The following REV3L variants were observed in gnomAD, a reference collection of about 807,000 sequenced individuals.
The protein encoded by REV3L is DNA polymerase zeta catalytic subunit.
Under a neutral mutation model 299.4 loss-of-function variants are expected in REV3L, and 69 were observed. That is an observed-to-expected ratio of 0.23 (90% CI 0.19 to 0.28). The LOEUF (loss-of-function observed/expected upper bound fraction) is 0.28, where lower values mean the gene tolerates loss of function less well. Among genes scored for constraint, REV3L ranks in the 10% least tolerant of loss-of-function variants. The pLI is 1.00. For missense variants in REV3L, 3,128 were observed against 3,693.8 expected, an observed-to-expected ratio of 0.85 and a Z score of 3.97; for synonymous variants, 1,238 against 1,271.4, an observed-to-expected ratio of 0.97 and a Z score of 0.56.
chr6:111,360,089 T>C (rs1778494038), intron 16 of REV3L, among the ~76,000 whole-genome samples: 1 of 152,200 alleles, frequency 6.6e-6, no homozygotes. Context: ...AAAAACTAAA[T>C]GTTTACCTGT....
chr6:111,449,432 T>C (rs1189183222), intron 1 of REV3L, among the ~76,000 whole-genome samples: 1 of 151,994 alleles, frequency 6.6e-6, no homozygotes, highest in Non-Finnish European at 1.5e-5. Flanking sequence ...CTGCAGAGGG[T>C]TCCCTCAAGG....
Position 111,373,060 on chromosome 6 carries a change from C to A in REV3L, c.5295G>T (p.Gln1765His). 6.2e-7 allele frequency: 1 copy of A among 1,614,140 alleles called. No homozygotes were observed. The highest frequency in any genetic ancestry group is 8.5e-7 in the Non-Finnish European group (1 of 1,179,996). ...SNSIMDSFCV[Q>H]QAEDCLSEKS... is the part of the protein sequence containing the mutation. ...TTTCACTTAGACAGTCTTCTGCCTG[C>A]TGAACACAGAAAGAATCCATTATTG... is the stretch of plus-strand genomic sequence containing the variant. The change falls in exon 13 of 32, where the codon CAG becomes CAT. Residue 1765 changes from glutamine to histidine, a missense_variant. Transcript: ENST00000368802.
intron 4 of REV3L, among the ~76,000 whole-genome samples, chr6:111,402,459 G>A (rs1783187380): frequency 1.3e-5 from 2 of 152,270 alleles, no homozygotes; most frequent in African/African-American, 4.8e-5. Context: ...ATTAGTAAAT[G>A]CCCTCAGGTC....
intron 18 of REV3L, among the ~76,000 whole-genome samples, chr6:111,353,163 C>T (rs937941954): frequency 6.6e-6 from 1 of 152,172 alleles, no homozygotes; most frequent in African/African-American, 2.4e-5. Context: ...CCAATGTCTA[C>T]AGTACTAGAC....
chr6:111,462,555 A>C (rs752210914), intron 1 of REV3L, among the ~76,000 whole-genome samples: 3 of 152,196 alleles, frequency 2.0e-5, no homozygotes, highest in African/African-American at 7.2e-5. Context: ...GGCTATAAAC[A>C]TATGGAAAAA....
chr6:111,412,559 C>G (rs775505792), intron 2 of REV3L, among the ~76,000 whole-genome samples: 2 of 151,924 alleles, frequency 1.3e-5, no homozygotes, highest in African/African-American at 2.4e-5. Flanking sequence ...GTGGATAAAC[C>G]CAATCACTCT....
At chr6:111,310,918 G>C in intron 29 of REV3L, 151 bp downstream of exon 29, 1 of 506,346 alleles carries the variant, frequency 2.0e-6, no homozygotes, top group Non-Finnish European at 3.4e-6. Context: ...CGAAGTATGA[G>C]GGAATATTCA....
chr6:111,390,478 C>T (rs988274094), intron 5 of REV3L, among the ~76,000 whole-genome samples: 4 of 151,838 alleles, frequency 2.6e-5, no homozygotes, highest in Non-Finnish European at 5.9e-5. Context: ...TGGTTATACC[C>T]GGGGCAGAAT....
Position 111,472,411 on chromosome 6 carries a change from T to C in REV3L, c.139+10339A>G, listed in dbSNP as rs753541537. On this transcript the variant is annotated intron_variant, in intron 1 of 31. Coordinates refer to ENST00000368802, the MANE Select transcript of REV3L (RefSeq NM_001372078.1). ...TAGTATTCTTGTGAACTGTTATATA[T>C]TACACAAGGCATTTTTGAGGTAACA... Among the ~76,000 whole-genome samples, 94 of 152,182 alleles carry C rather than the reference T, an allele frequency of 6.2e-4. 2 individuals are homozygous for C. The highest frequency in any genetic ancestry group is 3.4e-3 in the Middle Eastern group (1 of 294).
chr6:111,447,436 C>T (rs369943857), intron 1 of REV3L, among the ~76,000 whole-genome samples: 168 of 152,228 alleles, frequency 1.1e-3, no homozygotes, highest in Non-Finnish European at 1.9e-3. Context: ...TCAAATGTCA[C>T]GACTCTAAGG....
At chr6:111,315,548 T>C in intron 26 of REV3L, 167 bp from the exon 27 acceptor site, 2 of 594,728 alleles carry the variant, frequency 3.4e-6, no homozygotes, top group South Asian at 4.2e-5. Flanking sequence ...TTTTATTACT[T>C]TCCTTATGTA....
At chr6:111,410,348 C>T (rs1784119078) in intron 3 of REV3L, among the ~76,000 whole-genome samples, 1 of 151,968 alleles carries the variant, frequency 6.6e-6, no homozygotes, top group South Asian at 2.1e-4. Flanking sequence ...GCTATGGTTG[C>T]AAGGAAAAAA....
In REV3L at chr6:111,351,806, T is replaced by TA. The variant is rs765040932; in HGVS notation, c.7185-16dup. On this transcript the variant is annotated splice_polypyrimidine_tract_variant and intron_variant, in intron 18 of 31. Transcript: ENST00000368802. Reference sequence around the variant, plus strand: ...CAGGATCATACCTAAAAAAGGAATTTAAAAAAGTTATATAAGTACCATACA... The same window carrying TA: ...CAGGATCATACCTAAAAAAGGAATTTAAAAAAAGTTATATAAGTACCATACA... 1.1e-4 allele frequency: 161 copies of TA among 1,525,002 alleles called. No individual in the cohort carries two copies. The highest frequency in any genetic ancestry group is 2.7e-4 in the Admixed American group (16 of 58,840). 94.5% of individuals were successfully genotyped at this position (1,525,002 alleles called of 1,614,324 possible). A position where few individuals can be genotyped will look rare whatever the true frequency, so the allele number is the denominator to read the frequency against.
intron 4 of REV3L, among the ~76,000 whole-genome samples, chr6:111,404,205 C>G (rs988416267): frequency 6.6e-6 from 1 of 152,178 alleles, no homozygotes; most frequent in Non-Finnish European, 1.5e-5. Flanking sequence ...AAGAATTATG[C>G]TAAATCTACT....
chr6:111,372,849 C>T lies in REV3L; in HGVS notation c.5506G>A (p.Asp1836Asn), dbSNP rs1468484117. The stretch of plus-strand genomic sequence containing the variant: ...TTTCTTGAAACATACAGTTCTAAAT[C>T]TTCACAGGCCACGTCTACAAGTTCA... ...DGELVDVACEDLELYVSRNND... is the reference protein window; with the variant it reads ...DGELVDVACENLELYVSRNND... Residue 1836 changes from aspartate to asparagine, a missense_variant, in exon 13 of 32, where the codon GAT becomes AAT. Around this residue, in one of 9 missense-constraint regions of REV3L, gnomAD observed 2,409 missense variants for 2,611.8 expected, o/e 0.92. Transcript: ENST00000368802. The T allele has an allele frequency of 3.4e-5, 55 of 1,613,970 alleles. No homozygotes were observed. The highest frequency in any genetic ancestry group is 4.7e-5 in the Non-Finnish European group (55 of 1,179,996).
rs1779993030 is a variant in REV3L at position 111,373,421 on chromosome 6, T to C, written c.4934A>G (p.Tyr1645Cys). ...LEDSLSPEHN[Y>C]NFDINTIGQT... ...ACCTATTGTGTTAATATCAAAATTATAATTATGTTCAGGAGATAAACTATC... is the reference window on the plus strand; with the variant it reads ...ACCTATTGTGTTAATATCAAAATTACAATTATGTTCAGGAGATAAACTATC... The change falls in exon 13 of 32, where the codon TAT (tyrosine) becomes TGT (cysteine). Residue 1645 changes from tyrosine (Y) to cysteine (C), a missense_variant. Coordinates refer to ENST00000368802, the MANE Select transcript of REV3L (RefSeq NM_001372078.1). 1 of 1,613,270 alleles carries C rather than the reference T, an allele frequency of 6.2e-7. No individual in the cohort carries two copies. The highest frequency in any genetic ancestry group is 1.7e-5 in the Admixed American group (1 of 59,920).
chr6:111,374,671 A>G lies in REV3L; in HGVS notation c.3684T>C (p.Asp1228=). 5 of 1,613,302 alleles carry G rather than the reference A, an allele frequency of 3.1e-6. No individual in the cohort carries two copies. Among genetic ancestry groups the G allele is most frequent in the Non-Finnish European group, 3.4e-6 (4 of 1,179,862 alleles). ...GTSRKHTTLK[D]EKIKSQSGAE... ...CACCAGACTGAGATTTTATTTTTTC[A>G]TCCTTAAGTGTTGTATGCTTTCTCG... is the stretch of plus-strand genomic sequence containing the variant. Residue 1228 remains aspartate (D), a synonymous_variant, in exon 13 of 32, where the codon GAT becomes GAC. Transcript: ENST00000368802.
rs760660796 is a variant in REV3L at position 111,375,588 on chromosome 6, G to A, written c.2767C>T (p.Arg923Cys). ...YGNKYTLRAK[R>C]KVNYETEDSE... ...TCTTCAGTCTCATAATTTACCTTGC[G>A]TTTGGCTCTAAGTGTGTATTTATTT... is the stretch of plus-strand genomic sequence containing the variant. Residue 923 changes from arginine (R) to cysteine (C), a missense_variant, in exon 13 of 32, where the codon CGC (arginine) becomes TGC (cysteine). Arg to Cys is a radical substitution (Grantham distance 180, BLOSUM62 -3). Coordinates refer to ENST00000368802, the MANE Select transcript of REV3L (RefSeq NM_001372078.1). 35 of 1,613,486 alleles carry A rather than the reference G, an allele frequency of 2.2e-5. No homozygotes were observed. Among genetic ancestry groups the A allele is most frequent in the East Asian group, 8.9e-5 (4 of 44,872 alleles).
At chr6:111,464,171 G>C (rs1464582377) in intron 1 of REV3L, among the ~76,000 whole-genome samples, 2 of 151,904 alleles carry the variant, frequency 1.3e-5, no homozygotes, top group South Asian at 2.1e-4. Flanking sequence ...CCATATACCA[G>C]CGAACTGTGC....
Sources: allele counts gnomAD v4.1 joint callset (sites outside exome capture counted in the v4.1 genomes callset), GRCh38; gene constraint gnomAD v4.1.1; regional missense constraint gnomAD v4.1.1; transcripts MANE v1.5; gene names NCBI Gene and HGNC (gene_info 2026-07-23, HGNC 2026-07-21).